The following RORA variants were observed in gnomAD, a reference collection of about 807,000 sequenced individuals.
The protein encoded by RORA is nuclear receptor ROR-alpha.
Under a neutral mutation model 69.5 loss-of-function variants are expected in RORA, and 7 were observed. The observed-to-expected ratio is 0.10, with a 90% CI of 0.06 to 0.19. RORA has a LOEUF of 0.19. RORA is among the 10% of genes least tolerant of loss of function. The probability of loss-of-function intolerance (pLI) is 1.00; values close to 1 mark genes in which losing one functional copy is unlikely to be tolerated. For missense variants in RORA, 457 were observed against 663.0 expected, an observed-to-expected ratio of 0.69 and a Z score of 3.41; for synonymous variants, 261 against 240.8, an observed-to-expected ratio of 1.08 and a Z score of -0.78.
chr15:60,665,167 G>A (rs1393779523), intron 2 of RORA, among the ~76,000 whole-genome samples: 1 of 152,164 alleles, frequency 6.6e-6, no homozygotes, highest in African/African-American at 2.4e-5. Flanking sequence ...GGATTATCAG[G>A]ACATCTACTT....
In RORA at chr15:60,794,670, T is replaced by C. The variant is rs547935788; in HGVS notation, c.167-115984A>G. On this transcript the variant is annotated intron_variant, in intron 1 of 10. Coordinates refer to ENST00000335670, the MANE Select transcript of RORA (RefSeq NM_134261.3). ...GTTTCCGACAGCAAAATCCAATACA[T>C]GTTCAAAATGGCAATCATTAATTTC... Among the ~76,000 whole-genome samples the C allele has an allele frequency of 5.3e-5, 8 of 152,336 alleles. No individual in the cohort carries two copies. In the South Asian group the frequency reaches 1.4e-3, roughly 28 times the overall value.
At position 61,042,630 on chromosome 15, in the gene RORA, T is replaced by A. The variant is rs542599841; in HGVS notation, c.166+186423A>T. Among the ~76,000 whole-genome samples, 3 of 152,346 alleles carry A rather than the reference T, an allele frequency of 2.0e-5. No individual in the cohort carries two copies. In the South Asian group the frequency reaches 6.2e-4, roughly 32 times the overall value. ...CATGAGAGATTAATTTGTGCTTAGC[T>A]GGCTGAGCGGACACAAGATAACTCA... On this transcript the variant is annotated intron_variant, in intron 1 of 10. Transcript: ENST00000335670.
At chr15:61,109,930 A>G (rs780496348) in intron 1 of RORA, among the ~76,000 whole-genome samples, 1 of 152,242 alleles carries the variant, frequency 6.6e-6, no homozygotes, top group African/African-American at 2.4e-5. Context: ...CCATAAAGAC[A>G]TTTTGGTCAA....
At chr15:61,015,995 A>G (rs910489523) in intron 1 of RORA, among the ~76,000 whole-genome samples, 1 of 152,226 alleles carries the variant, frequency 6.6e-6, no homozygotes, top group Non-Finnish European at 1.5e-5. Flanking sequence ...GGCTTGAGTC[A>G]TGATATCGGA....
chr15:61,106,254 C>T (rs1190750550), intron 1 of RORA, among the ~76,000 whole-genome samples: 1 of 152,212 alleles, frequency 6.6e-6, no homozygotes, highest in Non-Finnish European at 1.5e-5. Context: ...AAATATTACA[C>T]ATGGGCCTTT....
At chr15:61,067,214 C>T (rs879641475) in intron 1 of RORA, among the ~76,000 whole-genome samples, 2 of 151,324 alleles carry the variant, frequency 1.3e-5, no homozygotes, top group African/African-American at 2.4e-5. Context: ...CGGGTTCAAG[C>T]GATTCTCCTG....
At chr15:60,869,882 T>G (rs1455712654) in intron 1 of RORA, among the ~76,000 whole-genome samples, 1 of 152,158 alleles carries the variant, frequency 6.6e-6, no homozygotes, top group African/African-American at 2.4e-5. Flanking sequence ...TCCTCCACAC[T>G]TATGTCCCAG....
chr15:61,161,976 T>C (rs926114251), intron 1 of RORA, among the ~76,000 whole-genome samples: 1 of 152,220 alleles, frequency 6.6e-6, no homozygotes, highest in African/African-American at 2.4e-5. Context: ...CATAAGATAT[T>C]TGATGCAAAA....
At chr15:60,878,394 G>C (rs1450209668) in intron 1 of RORA, among the ~76,000 whole-genome samples, 1 of 149,374 alleles carries the variant, frequency 6.7e-6, no homozygotes, top group Non-Finnish European at 1.5e-5. Context: ...GAAGAGGACA[G>C]AGTGACTTTC....
chr15:60,589,914 C>A (rs1179328640), intron 2 of RORA, among the ~76,000 whole-genome samples: 1 of 152,144 alleles, frequency 6.6e-6, no homozygotes. Context: ...TCTAGTTATA[C>A]AAACTGTCTT....
In RORA at chr15:60,493,949, T is replaced by TCACACACA. The variant is rs71122860; in HGVS notation, c.*3498_*3505dup. 0.029 allele frequency: 4,158 copies of TCACACACA among 144,006 alleles called. 68 individuals are homozygous for TCACACACA. The highest frequency in any genetic ancestry group is 0.045 in the Middle Eastern group (13 of 288). The allele number at this position is 144,006 out of a possible 1,614,324, so 8.9% of individuals were successfully genotyped here. Reference sequence around the variant, plus strand: ...CGCACACACATCATACACATGCAAATCACACACACACACACACACACACAC... The same window carrying TCACACACA: ...CGCACACACATCATACACATGCAAATCACACACACACACACACACACACACACACACAC... On this transcript the variant is annotated 3_prime_UTR_variant, in exon 11 of 11. Transcript: ENST00000335670.
At chr15:60,941,068 T>A (rs999262223) in intron 1 of RORA, among the ~76,000 whole-genome samples, 6 of 152,194 alleles carry the variant, frequency 3.9e-5, no homozygotes, top group African/African-American at 1.4e-4. Flanking sequence ...GAAAAACAAG[T>A]TATACTCATT....
At chr15:60,968,560 T>C (rs1269409501) in intron 1 of RORA, among the ~76,000 whole-genome samples, 1 of 152,248 alleles carries the variant, frequency 6.6e-6, no homozygotes, top group East Asian at 1.9e-4. Context: ...CTCTGGAGTT[T>C]GTGATTTAAT....
intron 1 of RORA, among the ~76,000 whole-genome samples, chr15:60,758,616 C>T (rs1015949285): frequency 4.6e-5 from 7 of 152,158 alleles, no homozygotes; most frequent in African/African-American, 7.2e-5. Context: ...GGATTTGCCA[C>T]GACTCTCTCA....
intron 1 of RORA, among the ~76,000 whole-genome samples, chr15:60,938,404 C>T (rs905763871): frequency 4.6e-5 from 7 of 152,182 alleles, no homozygotes; most frequent in African/African-American, 1.7e-4. Context: ...TGGAAGGTTG[C>T]ATGCTGTATT....
In RORA at chr15:60,495,801, A is replaced by T. The variant is rs2065152607; in HGVS notation, c.*1654T>A. ...ATTCCCAAAAGGTCACTTGTTTTTA[A>T]AATATGCACATCTGTTTATCAGACT... On this transcript the variant is annotated 3_prime_UTR_variant, in exon 11 of 11. Coordinates refer to ENST00000335670, the MANE Select transcript of RORA (RefSeq NM_134261.3). The T allele has an allele frequency of 6.6e-6, 1 of 152,070 alleles. No homozygotes were observed. Among genetic ancestry groups the T allele is most frequent in the East Asian group, 1.9e-4 (1 of 5,186 alleles). The allele number at this position is 152,070 out of a possible 1,614,324, so 9.4% of individuals were successfully genotyped here. A position where few individuals can be genotyped will look rare whatever the true frequency, so the allele number is the denominator to read the frequency against.
intron 1 of RORA, among the ~76,000 whole-genome samples, chr15:60,702,584 G>T (rs1384308993): frequency 6.6e-6 from 1 of 152,164 alleles, no homozygotes; most frequent in Non-Finnish European, 1.5e-5. Context: ...AGTGTGGAAT[G>T]AACTCCTTCA....
chr15:60,820,305 C>T (rs959252957), intron 1 of RORA, among the ~76,000 whole-genome samples: 2 of 152,144 alleles, frequency 1.3e-5, no homozygotes, highest in African/African-American at 4.8e-5. Context: ...AATCAAAGCT[C>T]TAAGCCAGTT....
In RORA at chr15:60,985,569, A is replaced by T. The variant is rs114297816; in HGVS notation, c.166+243484T>A. Among the ~76,000 whole-genome samples, 812 of 148,934 alleles carry T rather than the reference A, an allele frequency of 5.5e-3. 11 individuals are homozygous for T. Among genetic ancestry groups the T allele is most frequent in the African/African-American group, 0.019 (778 of 40,316 alleles). On this transcript the variant is annotated intron_variant, in intron 1 of 10. Transcript: ENST00000335670. ...CGAAAAATTAATCTTGTGCTAGGTA[A>T]GAAACTCATCCTCTTTTTTTTTTTT...
Sources: gnomAD v4.1 joint callset for allele counts (sites outside exome capture counted in the v4.1 genomes callset) on GRCh38, gnomAD v4.1.1 for gene constraint, MANE v1.5 for transcripts, NCBI Gene and HGNC (gene_info 2026-07-23, HGNC 2026-07-21) for gene names.